Variants in MCUR1 observed in about 807,000 individuals in gnomAD.
MCUR1 encodes mitochondrial calcium uniporter regulator 1, also known as MCU regulator 1.
A neutral mutation model predicts 42.0 loss-of-function variants in MCUR1; 37 were observed. The ratio of observed to expected loss-of-function variants is 0.88; its 90% CI spans 0.68 to 1.16. The LOEUF (loss-of-function observed/expected upper bound fraction) is 1.16. Ranked by LOEUF, MCUR1 falls within the 50% of genes most tolerant of loss-of-function variation. MCUR1 has a pLI of 0.00. For synonymous variants in MCUR1, 229 were observed against 196.2 expected, an observed-to-expected ratio of 1.17 and a Z score of -1.40; for missense variants, 469 against 468.4, an observed-to-expected ratio of 1.00 and a Z score of -0.01.
At position 13,807,004 on chromosome 6, in the gene MCUR1, T is replaced by C. The variant is rs992573254; in HGVS notation, c.456A>G (p.Lys152=). ...TCCCAGAAGAGGTGAAATCTCTCCT[T>C]TTGCGCTCCAGCTGCAGGGATCCAG... ...LSAGSLQLER[K]RRDFTSSGSR... is the part of the protein sequence containing the mutation. The change falls in exon 2 of 9, where the codon AAA becomes AAG. Residue 152 remains lysine (K), a synonymous_variant. Coordinates refer to ENST00000379170, the MANE Select transcript of MCUR1 (RefSeq NM_001031713.4). 1 of 1,613,436 alleles carries C rather than the reference T, an allele frequency of 6.2e-7. No individual in the cohort carries two copies. The highest frequency in any genetic ancestry group is 8.5e-7 in the Non-Finnish European group (1 of 1,179,522).
chr6:13,795,290 G>A (rs1253861750), intron 6 of MCUR1, among the ~76,000 whole-genome samples: 2 of 152,038 alleles, frequency 1.3e-5, no homozygotes, highest in Admixed American at 6.6e-5. Context: ...AGGGCGGCGT[G>A]GAACAAGATT....
intron 6 of MCUR1, among the ~76,000 whole-genome samples, chr6:13,797,415 A>C (rs1170932273): frequency 6.6e-6 from 1 of 152,138 alleles, no homozygotes; most frequent in African/African-American, 2.4e-5. Context: ...TATCTTTATT[A>C]AAACACACTT....
At chr6:13,798,158 C>T (rs984970839) in intron 6 of MCUR1, among the ~76,000 whole-genome samples, 3 of 151,588 alleles carry the variant, frequency 2.0e-5, no homozygotes, top group African/African-American at 7.3e-5. Flanking sequence ...AGCAGTGGCA[C>T]AATCTCAGCT....
rs1760323911 is a variant in MCUR1 at position 13,814,364 on chromosome 6, G to C, written c.66C>G (p.Phe22Leu). The C allele has an allele frequency of 2.0e-6, 3 of 1,526,744 alleles. No homozygotes were observed. The highest frequency in any genetic ancestry group is 2.0e-5 in the Admixed American group (1 of 50,574). The allele number at this position is 1,526,744 out of a possible 1,614,324, so 94.6% of individuals were successfully genotyped here. The change falls in exon 1 of 9, where the codon TTC (phenylalanine) becomes TTG (leucine). Residue 22 changes from phenylalanine to leucine, a missense_variant. Phe to Leu is a conservative substitution (Grantham distance 22, BLOSUM62 0). Coordinates refer to ENST00000379170, the MANE Select transcript of MCUR1 (RefSeq NM_001031713.4). ...GTCTTCCGCTGAGGCCCACGGGCAA[G>C]AAGAGAAGCCGCTGGCGGCCGGGCA... The part of the protein sequence containing the change: ...QRLPGRQRLL[F>L]LPVGLSGRPG...
At position 13,814,241 on chromosome 6, in the gene MCUR1, C is replaced by A; in HGVS notation, c.189G>T (p.Val63=). The change falls in exon 1 of 9, where the codon GTG becomes GTT. Residue 63 remains valine, a synonymous_variant. Coordinates refer to ENST00000379170, the MANE Select transcript of MCUR1 (RefSeq NM_001031713.4). The stretch of plus-strand genomic sequence containing the variant: ...GGAGGAGCAGCGGTGAGGCACGTGA[C>A]ACGCCGCCGCGGGCCGCCGGGGCGC... The part of the protein sequence containing the change: ...RPRAPAARGG[V]SRASPLLLLL... 6.8e-7 allele frequency: 1 copy of A among 1,470,440 alleles called. No individual in the cohort carries two copies. Among genetic ancestry groups the A allele is most frequent in the South Asian group, 1.3e-5 (1 of 77,376 alleles). The allele number at this position is 1,470,440 out of a possible 1,614,324, so 91.1% of individuals were successfully genotyped here.
Position 13,814,002 on chromosome 6 carries a change from G to A in MCUR1, c.415+13C>T. ...CGAGACGAGCCCCCTCTCCTCTCCC[G>A]CCCGGGCCTCACCTCTCCTGCAGGA... On this transcript the variant is annotated intron_variant, in intron 1 of 8. Transcript: ENST00000379170. The A allele has an allele frequency of 8.1e-7, 1 of 1,231,354 alleles. No individual in the cohort carries two copies. The highest frequency in any genetic ancestry group is 1.0e-6 in the Non-Finnish European group (1 of 986,896). The allele number at this position is 1,231,354 out of a possible 1,614,324, so 76.3% of individuals were successfully genotyped here.
At chr6:13,794,619 C>T (rs1188639202) in intron 6 of MCUR1, among the ~76,000 whole-genome samples, 3 of 148,120 alleles carry the variant, frequency 2.0e-5, no homozygotes, top group Non-Finnish European at 4.4e-5. Flanking sequence ...CATAAATACA[C>T]TAACTCATCA....
At position 13,814,257 on chromosome 6, in the gene MCUR1, G is replaced by A. The variant is rs1343610848; in HGVS notation, c.173C>T (p.Ala58Val). 4.1e-6 allele frequency: 6 copies of A among 1,474,054 alleles called. No individual in the cohort carries two copies. The highest frequency in any genetic ancestry group is 2.1e-4 in the Middle Eastern group (1 of 4,692). 91.3% of individuals were successfully genotyped at this position (1,474,054 alleles called of 1,614,324 possible). The change falls in exon 1 of 9, where the codon GCG becomes GTG. Residue 58 changes from alanine (A) to valine (V), a missense_variant. Transcript: ENST00000379170. Reference protein sequence around the residue: ...GLGALRPRAPAARGGVSRASP... With the variant: ...GLGALRPRAPVARGGVSRASP... Reference sequence around the variant, plus strand: ...GGCACGTGACACGCCGCCGCGGGCCGCCGGGGCGCGAGGGCGCAGCGCCCC... The same window carrying A: ...GGCACGTGACACGCCGCCGCGGGCCACCGGGGCGCGAGGGCGCAGCGCCCC...
At chr6:13,804,049 A>G in intron 2 of MCUR1, 1 of 974,648 alleles carries the variant, frequency 1.0e-6, no homozygotes, top group African/African-American at 1.8e-5. Context: ...AACTGGACAC[A>G]GTGGTTCACG....
chr6:13,790,626 A>G lies in MCUR1; in HGVS notation c.*183T>C, dbSNP rs1759709082. 2 of 397,938 alleles carry G rather than the reference A, an allele frequency of 5.0e-6. No homozygotes were observed. The highest frequency in any genetic ancestry group is 9.4e-6 in the Non-Finnish European group (2 of 212,160). The allele number at this position is 397,938 out of a possible 1,614,324, so 24.7% of individuals were successfully genotyped here. A position where few individuals can be genotyped will look rare whatever the true frequency, so the allele number is the denominator to read the frequency against. ...GCCACCACGCCCGCCTAATGTTTTAATTTTTTAGTAGAGACGGGGTTTCAC... is the reference window on the plus strand; with the variant it reads ...GCCACCACGCCCGCCTAATGTTTTAGTTTTTTAGTAGAGACGGGGTTTCAC... On this transcript the variant is annotated 3_prime_UTR_variant, in exon 9 of 9. Transcript: ENST00000379170.
intron 1 of MCUR1, among the ~76,000 whole-genome samples, chr6:13,810,368 A>G (rs1482778050): frequency 6.6e-6 from 1 of 152,138 alleles, no homozygotes; most frequent in Non-Finnish European, 1.5e-5. Flanking sequence ...AATCAAAAGA[A>G]CTTCCATTTA....
chr6:13,800,535 T>C lies in MCUR1; in HGVS notation c.742-153A>G, dbSNP rs186037735. ...GCAGAATGGCATTACAACACACGTA[T>C]CTTGAAATCAGTTTGAATTCATCTT... On this transcript the variant is annotated intron_variant, in intron 4 of 8. Coordinates refer to ENST00000379170, the MANE Select transcript of MCUR1 (RefSeq NM_001031713.4). 1.5e-3 allele frequency among the ~76,000 whole-genome samples: 223 copies of C among 152,366 alleles called. 1 individual carries two copies. Among genetic ancestry groups the C allele is most frequent in the Non-Finnish European group, 2.6e-3 (180 of 68,036 alleles).
chr6:13,793,486 C>A (rs1249495129), intron 7 of MCUR1, among the ~76,000 whole-genome samples: 2 of 152,098 alleles, frequency 1.3e-5, no homozygotes, highest in African/African-American at 4.8e-5. Flanking sequence ...CTTCAGGACA[C>A]TGTGTTAAGT....
At chr6:13,796,685 T>C (rs140694641) in intron 6 of MCUR1, among the ~76,000 whole-genome samples, 1 of 152,290 alleles carries the variant, frequency 6.6e-6, no homozygotes, top group East Asian at 1.9e-4. Context: ...TTAAAATGAG[T>C]AAAATCTAAA....
rs1760123158 is a variant in MCUR1 at position 13,806,928 on chromosome 6, T to C, written c.532A>G (p.Asn178Asp). 1.2e-6 allele frequency: 2 copies of C among 1,600,392 alleles called. No homozygotes were observed. Among genetic ancestry groups the C allele is most frequent in the Non-Finnish European group, 1.7e-6 (2 of 1,170,728 alleles). Residue 178 changes from asparagine to aspartate, a missense_variant, in exon 2 of 9, where the codon AAT becomes GAT. Transcript: ENST00000379170. ...THALVCLLED[N>D]GFATQQAEII... is the part of the protein sequence containing the mutation. ...ATGACGAATGACAGAGGATTACCAT[T>C]GTCTTCCAGTAAGCACACTAAGGCA... is the stretch of plus-strand genomic sequence containing the variant.
intron 6 of MCUR1, among the ~76,000 whole-genome samples, 166 bp downstream of exon 6, chr6:13,798,667 T>C (rs968397767): frequency 6.6e-6 from 1 of 152,138 alleles, no homozygotes; most frequent in Admixed American, 6.5e-5. Flanking sequence ...AGCAACAAAT[T>C]TAAGTCTTAA....
At position 13,790,687 on chromosome 6, in the gene MCUR1, A is replaced by C. The variant is rs1759710247; in HGVS notation, c.*122T>G. 1 of 624,964 alleles carries C rather than the reference A, an allele frequency of 1.6e-6. No individual in the cohort carries two copies. The highest frequency in any genetic ancestry group is 2.8e-6 in the Non-Finnish European group (1 of 355,938). 38.7% of individuals were successfully genotyped at this position (624,964 alleles called of 1,614,324 possible). A position where few individuals can be genotyped will look rare whatever the true frequency, so the allele number is the denominator to read the frequency against. Reference sequence around the variant, plus strand: ...AGGCTGGTCTCGAACTCCTGACCTCAGGTAATCCACCTGCCTCAGCCTCCC... The same window carrying C: ...AGGCTGGTCTCGAACTCCTGACCTCCGGTAATCCACCTGCCTCAGCCTCCC... On this transcript the variant is annotated 3_prime_UTR_variant, in exon 9 of 9. Transcript: ENST00000379170.
chr6:13,796,339 G>A (rs565667895), intron 6 of MCUR1, among the ~76,000 whole-genome samples: 20 of 150,082 alleles, frequency 1.3e-4, no homozygotes, highest in African/African-American at 4.7e-4. Context: ...CCAGGCTGGA[G>A]TGCAGTGGCG....
At chr6:13,804,064 T>C (rs1418198343) in intron 2 of MCUR1, 2 of 950,576 alleles carry the variant, frequency 2.1e-6, no homozygotes, top group African/African-American at 3.5e-5. Context: ...TTCACGCCTG[T>C]AATCCCAGCA....
Sources: allele counts gnomAD v4.1 joint callset (sites outside exome capture counted in the v4.1 genomes callset), GRCh38; gene constraint gnomAD v4.1.1; transcripts MANE v1.5; gene names NCBI Gene and HGNC (gene_info 2026-07-23, HGNC 2026-07-21).